WDR49: variants seen among roughly 807,000 people sequenced by gnomAD.
WDR49 encodes the protein cilia- and flagella-associated protein 337.
Under a neutral mutation model 119.5 loss-of-function variants are expected in WDR49, and 107 were observed. The ratio of observed to expected loss-of-function variants is 0.90; its 90% CI spans 0.77 to 1.05. The LOEUF (loss-of-function observed/expected upper bound fraction) is 1.05. Ranked by LOEUF, WDR49 falls within the 50% of genes least tolerant of loss-of-function variation. The pLI, the probability that WDR49 is intolerant of heterozygous loss-of-function variation, is 0.00. For missense variants in WDR49, 1,240 were observed against 1,220.5 expected, an observed-to-expected ratio of 1.02 and a Z score of -0.24; for synonymous variants, 425 against 418.8, an observed-to-expected ratio of 1.01 and a Z score of -0.18.
At chr3:167,654,630 T>C (rs1718534902), upstream of WDR49, among the ~76,000 whole-genome samples, 1 of 152,202 alleles carries the variant, frequency 6.6e-6, no homozygotes, top group South Asian at 2.1e-4. Flanking sequence ...GCAAGGTGGC[T>C]CACGCCTGTA....
chr3:167,647,987 A>C (rs1318839157), intron 2 of WDR49, among the ~76,000 whole-genome samples: 1 of 152,222 alleles, frequency 6.6e-6, no homozygotes, highest in East Asian at 1.9e-4. Flanking sequence ...TGTTTAGGAA[A>C]TCTTTATCCT....
chr3:167,517,701 T>C (rs999241792), intron 16 of WDR49, among the ~76,000 whole-genome samples: 2 of 148,764 alleles, frequency 1.3e-5, no homozygotes, highest in African/African-American at 4.9e-5. Context: ...TTTTAACCTT[T>C]ACTTTTTTTT....
rs1715936057 is a variant in WDR49 at position 167,604,386 on chromosome 3, T to C, written c.1041A>G (p.Lys347=). ...TNSVVMAWRE[K]SKKRLNMTSF... ...ATGTCATATTAAGACGCTTTTTTGA[T>C]TTCTCTCTCCAAGCCATCACCACAC... is the stretch of plus-strand genomic sequence containing the variant. Residue 347 remains lysine (K), a synonymous_variant, in exon 6 of 19, where the codon AAA becomes AAG. Coordinates refer to ENST00000682715, the MANE Select transcript of WDR49 (RefSeq NM_001366157.1). The C allele has an allele frequency of 2.5e-6, 4 of 1,613,680 alleles. No homozygotes were observed. The highest frequency in any genetic ancestry group is 3.4e-6 in the Non-Finnish European group (4 of 1,179,892).
intron 6 of WDR49, among the ~76,000 whole-genome samples, chr3:167,603,014 A>G (rs1460733491): frequency 1.3e-5 from 2 of 152,154 alleles, no homozygotes; most frequent in African/African-American, 4.8e-5. Context: ...CACACAATGG[A>G]AAATCACCTA....
chr3:167,612,726 A>G (rs1487595322), intron 5 of WDR49, among the ~76,000 whole-genome samples: 1 of 152,178 alleles, frequency 6.6e-6, no homozygotes, highest in Non-Finnish European at 1.5e-5. Flanking sequence ...GAAATGAAAA[A>G]ATTCCTAGAT....
chr3:167,596,379 C>G (rs1304420876), intron 7 of WDR49, among the ~76,000 whole-genome samples: 3 of 150,438 alleles, frequency 2.0e-5, no homozygotes, highest in Admixed American at 6.6e-5. Flanking sequence ...GGTATATACC[C>G]AAAGGACTAT....
chr3:167,618,749 A>G (rs1240134846), intron 5 of WDR49, among the ~76,000 whole-genome samples: 1 of 152,202 alleles, frequency 6.6e-6, no homozygotes, highest in Non-Finnish European at 1.5e-5. Flanking sequence ...CACTGCTAAT[A>G]CTAAACTAAA....
At chr3:167,643,192 T>C (rs1156568958) in intron 2 of WDR49, among the ~76,000 whole-genome samples, 1 of 152,030 alleles carries the variant, frequency 6.6e-6, no homozygotes, top group African/African-American at 2.4e-5. Context: ...TCCTTTACAA[T>C]GGGTAACTCT....
At chr3:167,618,212 C>T (rs1716695359) in intron 5 of WDR49, among the ~76,000 whole-genome samples, 1 of 152,148 alleles carries the variant, frequency 6.6e-6, no homozygotes, top group Admixed American at 6.5e-5. Flanking sequence ...TTAAGAACTA[C>T]TCTAGGAGTC....
At chr3:167,538,294 T>A (rs1711579129) in intron 10 of WDR49, among the ~76,000 whole-genome samples, 1 of 152,122 alleles carries the variant, frequency 6.6e-6, no homozygotes, top group African/African-American at 2.4e-5. Context: ...ACATCTTCCC[T>A]CCATACCAGC....
chr3:167,592,267 A>C (rs1375753920), intron 7 of WDR49, among the ~76,000 whole-genome samples: 1 of 152,020 alleles, frequency 6.6e-6, no homozygotes, highest in Non-Finnish European at 1.5e-5. Flanking sequence ...TGTACTGTCT[A>C]TGTCTTGAAA....
chr3:167,538,024 T>G (rs573104224), intron 10 of WDR49, among the ~76,000 whole-genome samples: 11 of 152,180 alleles, frequency 7.2e-5, no homozygotes, highest in African/African-American at 2.6e-4. Context: ...ATTCCCTTCT[T>G]TCTCTCACCC....
intron 5 of WDR49, among the ~76,000 whole-genome samples, chr3:167,611,692 T>C (rs138462016): frequency 1.6e-3 from 249 of 152,224 alleles, no homozygotes; most frequent in African/African-American, 5.5e-3. Context: ...CACTATACTT[T>C]TATCACACAA....
At chr3:167,535,792 T>C (rs6791262) in intron 11 of WDR49, among the ~76,000 whole-genome samples, 28,860 of 152,080 alleles carry the variant, frequency 0.19, 2,833 homozygotes, top group African/African-American at 0.25. Flanking sequence ...CTTATGTTTT[T>C]TGCAGCATTA....
At chr3:167,563,479 A>G (rs976505451) in intron 8 of WDR49, among the ~76,000 whole-genome samples, 3 of 152,168 alleles carry the variant, frequency 2.0e-5, no homozygotes, top group African/African-American at 7.2e-5. Flanking sequence ...TACAGATAAA[A>G]TCATGAAAGT....
intron 18 of WDR49, among the ~76,000 whole-genome samples, chr3:167,495,698 T>C (rs4955586): frequency 0.5 from 76,163 of 151,042 alleles, 19,710 homozygotes; most frequent in African/African-American, 0.64. Flanking sequence ...TTCTATGAAC[T>C]CCAAGTAGCA....
chr3:167,542,159 G>T (rs1560277128), intron 10 of WDR49, among the ~76,000 whole-genome samples: 1 of 152,078 alleles, frequency 6.6e-6, no homozygotes, highest in Non-Finnish European at 1.5e-5. Flanking sequence ...GTAGACATAA[G>T]AAATGAGATA....
intron 16 of WDR49, among the ~76,000 whole-genome samples, chr3:167,517,921 T>C (rs1197323084): frequency 2.0e-5 from 3 of 151,948 alleles, no homozygotes; most frequent in Non-Finnish European, 4.4e-5. Flanking sequence ...AGTGTGATGT[T>C]CCCCTTCCTG....
chr3:167,616,948 T>G (rs186902514), intron 5 of WDR49, among the ~76,000 whole-genome samples: 1 of 152,198 alleles, frequency 6.6e-6, no homozygotes, highest in African/African-American at 2.4e-5. Context: ...GTAATTTTCA[T>G]GTGAGGCATT....
Sources: gnomAD v4.1 joint callset for allele counts (sites outside exome capture counted in the v4.1 genomes callset) on GRCh38, gnomAD v4.1.1 for gene constraint, MANE v1.5 for transcripts, NCBI Gene and HGNC (gene_info 2026-07-23, HGNC 2026-07-21) for gene names.